BLTP3B: variants seen among roughly 807,000 people sequenced by gnomAD.
BLTP3B encodes UHRF1 (ICBP90) binding protein 1-like.
chr12:100,061,294 A>G, the BLTP3B span, among the ~76,000 whole-genome samples: 1 of 152,212 alleles, frequency 6.6e-6, no homozygotes, highest in African/African-American at 2.4e-5. Flanking sequence ...GCCCAAGACT[A>G]GAGCACAGAA....
chr12:100,102,702 T>C, the BLTP3B span: 2 of 138,862 alleles, frequency 1.4e-5, no homozygotes, highest in African/African-American at 1.5e-4. Context: ...GGTTAAGGCT[T>C]TTTTTTTTTT....
chr12:100,092,715 T>C, the BLTP3B span: 4 of 160,202 alleles, frequency 2.5e-5, no homozygotes, highest in African/African-American at 7.2e-5. Flanking sequence ...TATATAGTAA[T>C]ATCAACCTTC....
chr12:100,121,369 A>C, the BLTP3B span, among the ~76,000 whole-genome samples: 4 of 148,992 alleles, frequency 2.7e-5, no homozygotes, highest in East Asian at 1.9e-4. Flanking sequence ...AAAAAAAAAA[A>C]AAAACAGAAA....
At chr12:100,120,315 G>A in the BLTP3B span, among the ~76,000 whole-genome samples, 1 of 152,242 alleles carries the variant, frequency 6.6e-6, no homozygotes, top group Non-Finnish European at 1.5e-5. Context: ...GGAGGTTTCA[G>A]TGAGCCAAGA....
the BLTP3B span, among the ~76,000 whole-genome samples, chr12:100,071,330 C>G: frequency 6.6e-6 from 1 of 151,838 alleles, no homozygotes; most frequent in African/African-American, 2.4e-5. Flanking sequence ...AACCCTATCT[C>G]TATCAAAAAC....
the BLTP3B span, among the ~76,000 whole-genome samples, chr12:100,045,942 A>C: frequency 6.6e-6 from 1 of 152,252 alleles, no homozygotes; most frequent in South Asian, 2.1e-4. Flanking sequence ...ACTTCTCAAA[A>C]GACATTTATG....
chr12:100,109,504 C>T, the BLTP3B span, among the ~76,000 whole-genome samples: 2 of 152,148 alleles, frequency 1.3e-5, no homozygotes, highest in African/African-American at 4.8e-5. Flanking sequence ...TGGCTCACAC[C>T]TATAATCCCA....
the BLTP3B span, among the ~76,000 whole-genome samples, chr12:100,079,693 A>T: frequency 6.6e-6 from 1 of 152,240 alleles, no homozygotes; most frequent in African/African-American, 2.4e-5. Context: ...GAGAAGCCTA[A>T]TGTTAATCCC....
the BLTP3B span, chr12:100,095,529 G>C: frequency 1.1e-6 from 1 of 912,190 alleles, no homozygotes; most frequent in African/African-American, 1.7e-5. Flanking sequence ...AAATTACATA[G>C]AAGATATCTA....
the BLTP3B span, among the ~76,000 whole-genome samples, chr12:100,130,994 A>G: frequency 0.033 from 3,401 of 103,998 alleles, 80 homozygotes; most frequent in Middle Eastern, 0.047. Context: ...AGAGAGAGAG[A>G]GAGAGAGAGA....
At chr12:100,058,938 A>G in the BLTP3B span, 6 of 1,613,956 alleles carry the variant, frequency 3.7e-6, no homozygotes, top group Non-Finnish European at 5.1e-6. Context: ...ACCATTTGTC[A>G]AAGGCTCAGA....
the BLTP3B span, among the ~76,000 whole-genome samples, chr12:100,065,830 T>A: frequency 2.0e-5 from 3 of 152,200 alleles, no homozygotes. Context: ...GCATGTGATC[T>A]TTGTTCTCCT....
chr12:100,057,528 G>A, the BLTP3B span: 3 of 1,530,320 alleles, frequency 2.0e-6, no homozygotes, highest in Non-Finnish European at 2.7e-6. Flanking sequence ...CTCCTAAGGT[G>A]TATGTACGTA....
the BLTP3B span, among the ~76,000 whole-genome samples, chr12:100,076,520 A>T: frequency 1.3e-5 from 2 of 151,874 alleles, no homozygotes; most frequent in African/African-American, 4.8e-5. Flanking sequence ...CAGCCTCCCA[A>T]GTAGCTGGGA....
chr12:100,040,914 T>TA, the BLTP3B span, among the ~76,000 whole-genome samples: 4 of 152,150 alleles, frequency 2.6e-5, no homozygotes, highest in Non-Finnish European at 4.4e-5. Context: ...ATCAAATCTT[T>TA]AAAAACTCTT....
At chr12:100,082,916 T>A in the BLTP3B span, 1 of 844,506 alleles carries the variant, frequency 1.2e-6, no homozygotes, top group Non-Finnish European at 1.9e-6. Flanking sequence ...ATAAACCTTG[T>A]AAAGATTTTT....
At chr12:100,140,267 TA>T in the BLTP3B span, among the ~76,000 whole-genome samples, 2 of 151,996 alleles carry the variant, frequency 1.3e-5, no homozygotes, top group African/African-American at 4.8e-5. Flanking sequence ...AAAAATTTGA[TA>T]CTCTTTAGTC....
At chr12:100,098,947 T>C in the BLTP3B span, among the ~76,000 whole-genome samples, 1,918 of 138,922 alleles carry the variant, frequency 0.014, 25 homozygotes, top group South Asian at 0.046. Context: ...GACAGACACA[T>C]AGATACATAG....
At chr12:100,118,307 G>A in the BLTP3B span, among the ~76,000 whole-genome samples, 1 of 152,080 alleles carries the variant, frequency 6.6e-6, no homozygotes, top group African/African-American at 2.4e-5. Flanking sequence ...CAGGAGGACT[G>A]CTTAAGCCCA....
Sources: gnomAD v4.1 joint callset for allele counts (sites outside exome capture counted in the v4.1 genomes callset) on GRCh38, gnomAD v4.1.1 for gene constraint, MANE v1.5 for transcripts, NCBI Gene and HGNC (gene_info 2026-07-23, HGNC 2026-07-21) for gene names.